EZH1: variants seen among roughly 807,000 people sequenced by gnomAD.
EZH1 encodes enhancer of zeste 1 polycomb repressive complex 2 subunit.
In EZH1, 33 loss-of-function variants were observed where a neutral mutation model predicts 100.5. The observed-to-expected ratio is 0.33, with a 90% CI of 0.25 to 0.44. The LOEUF (loss-of-function observed/expected upper bound fraction) is 0.44, where lower values mean the gene tolerates loss of function less well. Ranked by LOEUF, EZH1 falls within the 20% of genes least tolerant of loss-of-function variation. EZH1 has a pLI of 1.00. For synonymous variants in EZH1, 272 were observed against 313.8 expected, an observed-to-expected ratio of 0.87 and a Z score of 1.41; for missense variants, 475 against 928.4, an observed-to-expected ratio of 0.51 and a Z score of 6.35.
chr17:42,710,030 A>G, intron 12 of EZH1, 93 bp from the exon 13 acceptor site: 1 of 1,055,350 alleles, frequency 9.5e-7, no homozygotes, highest in African/African-American at 1.6e-5. Flanking sequence ...GGTTCTGAGA[A>G]ACTCAGGCAG....
chr17:42,727,542 C>T, intron 4 of EZH1, 93 bp downstream of exon 4: 1 of 1,452,906 alleles, frequency 6.9e-7, no homozygotes, highest in Non-Finnish European at 9.3e-7. Flanking sequence ...CATACCTTGT[C>T]TTACTTATTC....
intron 10 of EZH1, among the ~76,000 whole-genome samples, chr17:42,713,885 T>G (rs2053539688): frequency 6.6e-6 from 1 of 152,186 alleles, no homozygotes; most frequent in African/African-American, 2.4e-5. Context: ...CTCCTATGGA[T>G]GAAGAAATGA....
At chr17:42,733,218 T>A (rs2053989067) in intron 1 of EZH1, among the ~76,000 whole-genome samples, 2 of 147,612 alleles carry the variant, frequency 1.4e-5, no homozygotes, top group African/African-American at 5.1e-5. Context: ...ATGCCTATAA[T>A]CCCAGCTACT....
intron 6 of EZH1, among the ~76,000 whole-genome samples, chr17:42,722,114 G>A (rs1308604130): frequency 6.5e-5 from 9 of 139,334 alleles, no homozygotes; most frequent in Admixed American, 2.4e-4. Flanking sequence ...GTGCCACTGC[G>A]CTCCAGCCTG....
At position 42,722,823 on chromosome 17, in the gene EZH1, G is replaced by A; in HGVS notation, c.459C>T (p.Asn153=). The stretch of plus-strand genomic sequence containing the variant: ...CTTCACCATGGACTTTCCCATCATA[G>A]TTATTGATCAGCTCCTCAATAAAAG... The part of the protein sequence containing the change: ...DETFIEELIN[N]YDGKVHGEEE... Residue 153 remains asparagine, a synonymous_variant, in exon 6 of 21, where the codon AAC becomes AAT. Coordinates refer to ENST00000428826, the MANE Select transcript of EZH1 (RefSeq NM_001991.5). 6.2e-7 allele frequency: 1 copy of A among 1,613,974 alleles called. No homozygotes were observed.
chr17:42,728,699 G>A lies in EZH1; in HGVS notation c.117+126C>T, dbSNP rs185089114. On this transcript the variant is annotated intron_variant, in intron 3 of 20. Transcript: ENST00000428826. ...GGAGCTTGCAGTAAGCTGAGATTAC[G>A]CCACTGCACTCCAACCTGGGTGACA... 3.4e-4 allele frequency: 305 copies of A among 891,310 alleles called. 1 individual carries two copies. The highest frequency in any genetic ancestry group is 6.9e-4 in the South Asian group (37 of 53,554). The allele number at this position is 891,310 out of a possible 1,614,324, so 55.2% of individuals were successfully genotyped here. A position where few individuals can be genotyped will look rare whatever the true frequency, so the allele number is the denominator to read the frequency against.
At chr17:42,721,419 T>C (rs1360346801) in intron 6 of EZH1, among the ~76,000 whole-genome samples, 1 of 152,168 alleles carries the variant, frequency 6.6e-6, no homozygotes, top group Non-Finnish European at 1.5e-5. Flanking sequence ...ATTCAGGGGA[T>C]GCCTGGATCA....
At chr17:42,705,235 G>T (rs748103088) in intron 16 of EZH1, 52 bp from the exon 17 acceptor site, 1 of 1,028,366 alleles carries the variant, frequency 9.7e-7, no homozygotes. Context: ...TGAGTAGGGG[G>T]TGTGTGCTGG....
intron 1 of EZH1, among the ~76,000 whole-genome samples, chr17:42,733,959 AAATC>A (rs2054012063): frequency 6.6e-6 from 1 of 151,656 alleles, no homozygotes; most frequent in Non-Finnish European, 1.5e-5. Context: ...AAAAAAAAAA[AAATC>A]ATCAGCACGG....
intron 5 of EZH1, among the ~76,000 whole-genome samples, chr17:42,723,797 A>AT (rs2053765128): frequency 6.6e-6 from 1 of 152,234 alleles, no homozygotes; most frequent in Non-Finnish European, 1.5e-5. Flanking sequence ...ATGATAAGCA[A>AT]TGGCAGTATT....
chr17:42,734,347 T>C (rs2054021309), intron 1 of EZH1, among the ~76,000 whole-genome samples: 1 of 152,050 alleles, frequency 6.6e-6, no homozygotes, highest in African/African-American at 2.4e-5. Context: ...GCCAAAATAA[T>C]GGTTTTAAAT....
In EZH1 at chr17:42,718,582, G is replaced by C. The variant is rs184297654; in HGVS notation, c.803C>G (p.Ala268Gly). The change falls in exon 9 of 21, where the codon GCA becomes GGA. Residue 268 changes from alanine (A) to glycine (G), a missense_variant. Transcript: ENST00000428826. The surrounding 1 kb of genome is among the most constrained non-coding windows in gnomAD (Gnocchi z 4.2). ...RELTEMSDPN[A>G]LPPQCTPNID... Reference sequence around the variant, plus strand: ...GTTGGGTGTGCACTGAGGGGGAAGTGCATTGGGGTCTGACATCTCTGTTAG... The same window carrying C: ...GTTGGGTGTGCACTGAGGGGGAAGTCCATTGGGGTCTGACATCTCTGTTAG... The C allele has an allele frequency of 9.2e-5, 148 of 1,614,192 alleles. No individual in the cohort carries two copies. The highest frequency in any genetic ancestry group is 1.1e-4 in the Non-Finnish European group (130 of 1,180,030).
intron 14 of EZH1, among the ~76,000 whole-genome samples, chr17:42,708,352 A>C (rs1256335668): frequency 6.6e-6 from 1 of 152,032 alleles, no homozygotes; most frequent in Non-Finnish European, 1.5e-5. Context: ...AGCAAATGGC[A>C]CACTAGAAAA....
intron 1 of EZH1, among the ~76,000 whole-genome samples, chr17:42,741,021 A>C (rs1178504010): frequency 4.6e-5 from 7 of 152,218 alleles, no homozygotes; most frequent in Admixed American, 4.6e-4. Flanking sequence ...CAGAATGGAG[A>C]AGCACAATTT....
At chr17:42,716,458 T>C (rs2053606273) in intron 10 of EZH1, among the ~76,000 whole-genome samples, 1 of 152,170 alleles carries the variant, frequency 6.6e-6, no homozygotes, top group Non-Finnish European at 1.5e-5. Flanking sequence ...GGGAAAATAG[T>C]CCAGCATTAT....
In EZH1 at chr17:42,718,000, A is replaced by G; in HGVS notation, c.999T>C (p.Cys333=). Reference sequence around the variant, plus strand: ...CCAGCAAAAGGAAGCAGTCTGTGCCACATGGTTCTGGTTCAATCTTGATTT... The same window carrying G: ...CCAGCAAAAGGAAGCAGTCTGTGCCGCATGGTTCTGGTTCAATCTTGATTT... ...NKEIKIEPEP[C]GTDCFLLLEG... Residue 333 remains cysteine, a synonymous_variant, in exon 10 of 21, where the codon TGT becomes TGC. Transcript: ENST00000428826. 6.2e-7 allele frequency: 1 copy of G among 1,614,230 alleles called. No individual in the cohort carries two copies. Among genetic ancestry groups the G allele is most frequent in the Non-Finnish European group, 8.5e-7 (1 of 1,180,020 alleles).
In EZH1 at chr17:42,726,368, A is replaced by G. The variant is rs141249877; in HGVS notation, c.246+1267T>C. The stretch of plus-strand genomic sequence containing the variant: ...GCATACACTACCATGCCTAGATAAT[A>G]TTTACTTTTTATATTTTAAAAATAT... On this transcript the variant is annotated intron_variant, in intron 4 of 20. Coordinates refer to ENST00000428826, the MANE Select transcript of EZH1 (RefSeq NM_001991.5). 5.5e-3 allele frequency among the ~76,000 whole-genome samples: 826 copies of G among 150,130 alleles called. 3 individuals are homozygous for G. Among genetic ancestry groups the G allele is most frequent in the Non-Finnish European group, 8.5e-3 (575 of 67,472 alleles).
At chr17:42,721,351 C>T (rs189921861) in intron 6 of EZH1, among the ~76,000 whole-genome samples, 1 of 152,266 alleles carries the variant, frequency 6.6e-6, no homozygotes, top group East Asian at 1.9e-4. Context: ...AGAATTATGA[C>T]TAAATCCAAA....
chr17:42,737,087 G>T (rs2054080125), intron 1 of EZH1, among the ~76,000 whole-genome samples: 1 of 151,262 alleles, frequency 6.6e-6, no homozygotes, highest in South Asian at 2.1e-4. Flanking sequence ...CTGGGCTCAA[G>T]CGATTCTCCT....
Sources: gnomAD v4.1 joint callset for allele counts (sites outside exome capture counted in the v4.1 genomes callset) on GRCh38, gnomAD v4.1.1 for gene constraint, Gnocchi (gnomAD v3.1) non-coding constraint, MANE v1.5 for transcripts, NCBI Gene and HGNC (gene_info 2026-07-23, HGNC 2026-07-21) for gene names.